KRT9: variants seen among roughly 807,000 people sequenced by gnomAD.
KRT9 encodes keratin, type I cytoskeletal 9.
Under a neutral mutation model 51.4 loss-of-function variants are expected in KRT9, and 34 were observed. That is an observed-to-expected ratio of 0.66 (90% CI 0.50 to 0.88). The LOEUF (loss-of-function observed/expected upper bound fraction) is 0.88, where lower values mean the gene tolerates loss of function less well. Ranked by LOEUF, KRT9 falls within the 40% of genes least tolerant of loss-of-function variation. The pLI is 0.00. For synonymous variants in KRT9, 292 were observed against 289.7 expected (o/e 1.01, Z -0.08); for missense variants, 753 against 790.3 (o/e 0.95, Z 0.57).
At chr17:41,568,016 C>A in intron 6 of KRT9, 146 bp downstream of exon 6, 2 of 921,844 alleles carry the variant, frequency 2.2e-6, no homozygotes, top group South Asian at 1.7e-5. Flanking sequence ...GCACTGAGGT[C>A]CCCCCGGCCC....
Position 41,571,642 on chromosome 17 carries a change from A to G in KRT9, c.351T>C (p.Gly117=), listed in dbSNP as rs115965791. 7.2e-3 allele frequency: 11,540 copies of G among 1,603,774 alleles called. 58 individuals carry two copies. The highest frequency in any genetic ancestry group is 0.014 in the South Asian group (1,240 of 90,048). The change falls in exon 1 of 8, where the codon GGT becomes GGC. Residue 117 remains glycine (G), a synonymous_variant. Transcript: ENST00000246662. ...SSGGFGGGFG[G]GSGGGFGGGY... The stretch of plus-strand genomic sequence containing the variant: ...CACCACCAAAGCCACCTCCAGAACC[A>G]CCACCAAAGCCACCTCCAAAACCCC...
rs145530082 is a variant in KRT9 at position 41,571,707 on chromosome 17, C to T, written c.286G>A (p.Gly96Ser). 1.5e-4 allele frequency: 246 copies of T among 1,610,328 alleles called. 1 individual carries two copies. Among genetic ancestry groups the T allele is most frequent in the Non-Finnish European group, 1.7e-4 (202 of 1,178,330 alleles). Reference protein sequence around the residue: ...LGGGFGGGSRGFGGASGGGYS... With the variant: ...LGGGFGGGSRSFGGASGGGYS... ...CCTCCTCCAGAAGCACCACCAAAAC[C>T]TCTGGAACCACCCCCAAAGCCACCG... The change falls in exon 1 of 8, where the codon GGT (glycine) becomes AGT (serine). Residue 96 changes from glycine (G) to serine (S), a missense_variant. Transcript: ENST00000246662.
Position 41,572,050 on chromosome 17 carries a change from AG to A in KRT9, c.-59del. The stretch of plus-strand genomic sequence containing the variant: ...GTGATAGGAGTGCTACCGGCTCCCA[AG>A]TGCAGGGTACAGAGCTGTCCCTGGG... On this transcript the variant is annotated 5_prime_UTR_variant, in exon 1 of 8. Coordinates refer to ENST00000246662, the MANE Select transcript of KRT9 (RefSeq NM_000226.4). The A allele has an allele frequency of 2.0e-6, 3 of 1,537,968 alleles. No individual in the cohort carries two copies. The highest frequency in any genetic ancestry group is 2.6e-6 in the Non-Finnish European group (3 of 1,147,782).
chr17:41,570,242 C>A (rs748076723), intron 1 of KRT9, 22 bp from the exon 2 acceptor site: 1 of 1,602,586 alleles, frequency 6.2e-7, no homozygotes, highest in South Asian at 1.1e-5. Flanking sequence ...AGGACACAGC[C>A]ATGATATCAT....
At chr17:41,568,423 T>A (rs1230672867) in intron 5 of KRT9, 38 bp from the exon 6 acceptor site, 1 of 1,613,642 alleles carries the variant, frequency 6.2e-7, no homozygotes, top group Non-Finnish European at 8.5e-7. Context: ...GGATGCTACA[T>A]CATAACTCCT....
rs1443296564 is a variant in KRT9, at chr17:41,568,528, G to C, written c.1150C>G (p.Leu384Val). The change falls in exon 5 of 8, where the codon CTG becomes GTG. Residue 384 changes from leucine (L) to valine (V), a missense_variant. This residue lies in a region of KRT9 where 507 missense variants were observed against 563.7 expected (regional missense o/e 0.90). Transcript: ENST00000246662. ...RHGVQELEIE[L>V]QSQLSKKAAL... ...CCAACCTTGCTGAGCTGAGACTGCA[G>C]CTCAATCTCCAACTCCTGGACACCG... 3.1e-6 allele frequency: 5 copies of C among 1,614,068 alleles called. No homozygotes were observed. The highest frequency in any genetic ancestry group is 4.2e-6 in the Non-Finnish European group (5 of 1,180,034).
In KRT9 at chr17:41,568,911, T is replaced by TACACACAC. The variant is rs5820419; in HGVS notation, c.1045-286_1045-279dup. On this transcript the variant is annotated intron_variant, in intron 4 of 7. Coordinates refer to ENST00000246662, the MANE Select transcript of KRT9 (RefSeq NM_000226.4). ...CCAAACTTCCCCCACCTTTCAAACATACACACACACACACACACACACACA... is the reference window on the plus strand; with the variant it reads ...CCAAACTTCCCCCACCTTTCAAACATACACACACACACACACACACACACACACACACA... Among the ~76,000 whole-genome samples the TACACACAC allele has an allele frequency of 1.4e-4, 19 of 133,834 alleles. No homozygotes were observed. In the East Asian group the frequency reaches 1.9e-3, roughly 13 times the overall value. The allele number at this position is 133,834 out of a possible 152,430, so 87.8% of individuals were successfully genotyped here. A position where few individuals can be genotyped will look rare whatever the true frequency, so the allele number is the denominator to read the frequency against.
At position 41,569,928 on chromosome 17, in the gene KRT9, C is replaced by A. The variant is rs1336803227; in HGVS notation, c.813G>T (p.Lys271Asn). 1 of 1,614,230 alleles carries A rather than the reference C, an allele frequency of 6.2e-7. No individual in the cohort carries two copies. The highest frequency in any genetic ancestry group is 8.5e-7 in the Non-Finnish European group (1 of 1,180,044). The part of the protein sequence containing the change: ...RQVLDNLTME[K>N]SDLEMQYETL... ...TCTCATACTGCATCTCCAGGTCAGA[C>A]TTCTCCATGGTCAGATTGTCCAGCA... Residue 271 changes from lysine (K) to asparagine (N), a missense_variant, in exon 3 of 8, where the codon AAG becomes AAT. By Grantham distance (94) the Lys-to-Asn change is moderately conservative (BLOSUM62 0). This residue lies in a region of KRT9 where 507 missense variants were observed against 563.7 expected (regional missense o/e 0.90). Coordinates refer to ENST00000246662, the MANE Select transcript of KRT9 (RefSeq NM_000226.4).
chr17:41,567,152 C>A (rs1275033326), intron 7 of KRT9, 81 bp downstream of exon 7: 1 of 1,578,280 alleles, frequency 6.3e-7, no homozygotes, highest in Admixed American at 1.8e-5. Flanking sequence ...AATCTGTGTT[C>A]CCCAGAGATT....
At chr17:41,568,931 C>T (rs1242855570) in intron 4 of KRT9, among the ~76,000 whole-genome samples, 1 of 151,490 alleles carries the variant, frequency 6.6e-6, no homozygotes. Context: ...CACACACACA[C>T]ACACACACAC....
chr17:41,568,984 C>G (rs2144569436), intron 4 of KRT9, among the ~76,000 whole-genome samples: 1 of 151,710 alleles, frequency 6.6e-6, no homozygotes, highest in South Asian at 2.1e-4. Flanking sequence ...ATGTATGTGC[C>G]AGACTCTGGC....
rs775099086 is a variant in KRT9 at position 41,568,146 on chromosome 17, A to G, written c.1394+16T>C. The G allele has an allele frequency of 6.2e-7, 1 of 1,606,092 alleles. No homozygotes were observed. The highest frequency in any genetic ancestry group is 8.5e-7 in the Non-Finnish European group (1 of 1,173,810). ...TAGGGACCCCCAGGGGTTCCACCAAATCCTGGGGGACCTACAAGTCTTCCT... is the reference window on the plus strand; with the variant it reads ...TAGGGACCCCCAGGGGTTCCACCAAGTCCTGGGGGACCTACAAGTCTTCCT... On this transcript the variant is annotated intron_variant, in intron 6 of 7. Transcript: ENST00000246662.
rs1470148094 is a variant in KRT9, at chr17:41,569,958, C to T, written c.783G>A (p.Arg261=). 9.3e-6 allele frequency: 15 copies of T among 1,614,074 alleles called. No individual in the cohort carries two copies. The highest frequency in any genetic ancestry group is 3.3e-4 in the Middle Eastern group (2 of 6,084). The change falls in exon 3 of 8, where the codon CGG becomes CGA. Residue 261 remains arginine, a synonymous_variant. Coordinates refer to ENST00000246662, the MANE Select transcript of KRT9 (RefSeq NM_000226.4). ...CCATGGTCAGATTGTCCAGCACCTG[C>T]CGCAGGCCATTGATGTCAGCATCCA... The part of the protein sequence containing the change: ...QGVDADINGL[R]QVLDNLTMEK...
chr17:41,570,657 G>A (rs1018399570), intron 1 of KRT9, among the ~76,000 whole-genome samples: 1 of 152,190 alleles, frequency 6.6e-6, no homozygotes, highest in Non-Finnish European at 1.5e-5. Context: ...TAAATAAATG[G>A]AAGAGGTTTA....
chr17:41,570,071 C>T lies in KRT9; in HGVS notation c.726-56G>A. On this transcript the variant is annotated intron_variant, in intron 2 of 7. Coordinates refer to ENST00000246662, the MANE Select transcript of KRT9 (RefSeq NM_000226.4). ...AAGAGGGAACCAGGCCCTACCAGGA[C>T]CTCCAGAGCACTGAGGTTCAGGGGT... 3.1e-6 allele frequency: 5 copies of T among 1,613,328 alleles called. No homozygotes were observed. The African/African-American group carries it at 4.0e-5, about 13-fold the overall frequency.
rs144984735 is a variant in KRT9, at chr17:41,568,642, C to A, written c.1045-9G>T. ...TGCTCGATCTGGGTTATCTGCAAAA[C>A]CAAAGGCTCAGTAAGCATCAGGCTG... On this transcript the variant is annotated splice_polypyrimidine_tract_variant and intron_variant, in intron 4 of 7. Coordinates refer to ENST00000246662, the MANE Select transcript of KRT9 (RefSeq NM_000226.4). 24 of 1,614,096 alleles carry A rather than the reference C, an allele frequency of 1.5e-5. No homozygotes were observed. Among genetic ancestry groups the A allele is most frequent in the Non-Finnish European group, 2.0e-5 (24 of 1,180,016 alleles).
At position 41,571,559 on chromosome 17, in the gene KRT9, T is replaced by C. The variant is rs931178644; in HGVS notation, c.434A>G (p.Asp145Gly). 1.2e-6 allele frequency: 2 copies of C among 1,612,444 alleles called. No individual in the cohort carries two copies. Among genetic ancestry groups the C allele is most frequent in the African/African-American group, 2.7e-5 (2 of 74,658 alleles). The change falls in exon 1 of 8, where the codon GAT becomes GGT. Residue 145 changes from aspartate to glycine, a missense_variant. By Grantham distance (94) the Asp-to-Gly change is moderately conservative (BLOSUM62 -1). This residue lies in a region of KRT9 where 241 missense variants were observed against 210.3 expected (regional missense o/e 1.15). Coordinates refer to ENST00000246662, the MANE Select transcript of KRT9 (RefSeq NM_000226.4). ...GGFGGGAGGG[D>G]GGILTANEKS... ...CTCATTAGCAGTCAGAATACCACCA[T>C]CACCTCCTCCAGCACCACCTCCAAA...
At chr17:41,571,185 G>C (rs1907065453) in intron 1 of KRT9, among the ~76,000 whole-genome samples, 166 bp downstream of exon 1, 1 of 152,158 alleles carries the variant, frequency 6.6e-6, no homozygotes, top group South Asian at 2.1e-4. Flanking sequence ...TCCTATCCTG[G>C]GATCCCCAGA....
Position 41,567,318 on chromosome 17 carries a change from A to G in KRT9, c.1827T>C (p.Ser609=), listed in dbSNP as rs1906901327. 1 of 1,613,968 alleles carries G rather than the reference A, an allele frequency of 6.2e-7. No individual in the cohort carries two copies. The highest frequency in any genetic ancestry group is 2.2e-5 in the East Asian group (1 of 44,876). ...SYGGGEEASG[S]GGGYGGGSGK... is the part of the protein sequence containing the mutation. ...CGCTTCCTCCTCCGTAGCCGCCACC[A>G]CTTCCACTCGCTTCTTCACCGCCTC... Residue 609 remains serine (S), a synonymous_variant, in exon 7 of 8, where the codon AGT becomes AGC. Transcript: ENST00000246662.
Sources: allele counts gnomAD v4.1 joint callset (sites outside exome capture counted in the v4.1 genomes callset), GRCh38; gene constraint gnomAD v4.1.1; regional missense constraint gnomAD v4.1.1; transcripts MANE v1.5; gene names NCBI Gene and HGNC (gene_info 2026-07-23, HGNC 2026-07-21).